The following DIP2A variants were observed in gnomAD, a reference collection of about 807,000 sequenced individuals.
DIP2A encodes disco-interacting protein 2 homolog A.
DIP2A carries 85 observed loss-of-function variants against 177.4 expected under a neutral mutation model. That is an observed-to-expected ratio of 0.48 (90% CI 0.40 to 0.57). The LOEUF (loss-of-function observed/expected upper bound fraction) is 0.57, where lower values mean the gene tolerates loss of function less well. Among genes scored for constraint, DIP2A ranks in the 20% least tolerant of loss-of-function variants. The pLI is 0.00. For synonymous variants in DIP2A, 886 were observed against 881.8 expected (o/e 1.00, Z -0.08); for missense variants, 1,791 against 2,100.2 (o/e 0.85, Z 2.88).
At position 46,557,567 on chromosome 21, in the gene DIP2A, G is replaced by A. The variant is rs1282620142; in HGVS notation, c.3630-18G>A. ...GCTGGGTGGGCGGGCGGAGCCTCAC[G>A]AGCCTTCCCTCTCGCAGTGTCTACT... On this transcript the variant is annotated intron_variant, in intron 30 of 37. Coordinates refer to ENST00000417564, the MANE Select transcript of DIP2A (RefSeq NM_015151.4). The surrounding 1 kb of genome is among the most constrained non-coding windows in gnomAD (Gnocchi z 6.0). 9 of 1,594,618 alleles carry A rather than the reference G, an allele frequency of 5.6e-6. No homozygotes were observed. The highest frequency in any genetic ancestry group is 2.3e-5 in the East Asian group (1 of 44,284).
At chr21:46,539,590 C>T (rs1252005146) in intron 16 of DIP2A, 6 of 434,686 alleles carry the variant, frequency 1.4e-5, no homozygotes, top group South Asian at 8.2e-5. Context: ...CTTGCAGTGC[C>T]GTGCAGCTTG....
In DIP2A at chr21:46,537,489, T is replaced by C; in HGVS notation, c.1751T>C (p.Leu584Pro). 1 of 1,614,236 alleles carries C rather than the reference T, an allele frequency of 6.2e-7. No individual in the cohort carries two copies. The highest frequency in any genetic ancestry group is 8.5e-7 in the Non-Finnish European group (1 of 1,180,046). ...RMHVVSVPYALMKANPLSWIQ... is the reference protein window; with the variant it reads ...RMHVVSVPYAPMKANPLSWIQ... The stretch of plus-strand genomic sequence containing the variant: ...CACGTGGTCAGCGTCCCCTACGCGC[T>C]GATGAAGGCGAACCCACTCTCCTGG... Residue 584 changes from leucine (L) to proline (P), a missense_variant, in exon 15 of 38, where the codon CTG (leucine) becomes CCG (proline). By Grantham distance (98) the Leu-to-Pro change is moderately conservative. Transcript: ENST00000417564. The surrounding 1 kb of genome is among the most constrained non-coding windows in gnomAD (Gnocchi z 4.1).
chr21:46,555,990 C>T lies in DIP2A; in HGVS notation c.3397C>T (p.Pro1133Ser), dbSNP rs1463754412. 1 of 1,613,196 alleles carries T rather than the reference C, an allele frequency of 6.2e-7. No individual in the cohort carries two copies. The highest frequency in any genetic ancestry group is 8.5e-7 in the Non-Finnish European group (1 of 1,179,322). Reference sequence around the variant, plus strand: ...TGTCTCCTGTTTAACAGATGACATCCCAAAAAAGAAGATAGCAAGCGTTTT... The same window carrying T: ...TGTCTCCTGTTTAACAGATGACATCTCAAAAAAGAAGATAGCAAGCGTTTT... ...WPTILDTDDIPKKKIASVFRP... is the reference protein window; with the variant it reads ...WPTILDTDDISKKKIASVFRP... Residue 1133 changes from proline (P) to serine (S), a missense_variant, in exon 29 of 38, where the codon CCA (proline) becomes TCA (serine). Transcript: ENST00000417564.
intron 2 of DIP2A, among the ~76,000 whole-genome samples, chr21:46,485,712 G>A (rs970364950): frequency 2.6e-5 from 4 of 151,366 alleles, no homozygotes; most frequent in Admixed American, 1.3e-4. Flanking sequence ...TTTTTCAAAC[G>A]TCATCATAAA....
Position 46,550,703 on chromosome 21 carries a change from C to G in DIP2A, c.2798C>G (p.Thr933Ser). 1 of 1,614,066 alleles carries G rather than the reference C, an allele frequency of 6.2e-7. No homozygotes were observed. The highest frequency in any genetic ancestry group is 1.1e-5 in the South Asian group (1 of 91,084). Residue 933 changes from threonine to serine, a missense_variant, in exon 23 of 38, where the codon ACC (threonine) becomes AGC (serine). Physicochemically the swap from Thr to Ser is moderately conservative, Grantham distance 58 (BLOSUM62 1). Coordinates refer to ENST00000417564, the MANE Select transcript of DIP2A (RefSeq NM_015151.4). Reference protein sequence around the residue: ...HPCNVLMCPHTCVTNLPKPRQ... With the variant: ...HPCNVLMCPHSCVTNLPKPRQ... ...TGTAATGTGCTGATGTGCCCTCACA[C>G]CTGTGTTACCAACCTCCCCAAACCT...
intron 1 of DIP2A, among the ~76,000 whole-genome samples, chr21:46,478,260 T>C (rs2056076273): frequency 6.6e-6 from 1 of 152,058 alleles, no homozygotes; most frequent in Non-Finnish European, 1.5e-5. Context: ...TTGCCCAGGC[T>C]GGAGTGCAAT....
At chr21:46,510,262 C>T (rs1349352909) in intron 7 of DIP2A, among the ~76,000 whole-genome samples, 3 of 152,164 alleles carry the variant, frequency 2.0e-5, no homozygotes, top group Non-Finnish European at 4.4e-5. Context: ...AGTCTTTCCA[C>T]GTTCTTCTGC....
rs777023870 is a variant in DIP2A at position 46,537,462 on chromosome 21, T to C, written c.1724T>C (p.Met575Thr). 13 of 1,614,228 alleles carry C rather than the reference T, an allele frequency of 8.1e-6. No individual in the cohort carries two copies. Among genetic ancestry groups the C allele is most frequent in the Non-Finnish European group, 1.1e-5 (13 of 1,180,036 alleles). The change falls in exon 15 of 38, where the codon ATG (methionine) becomes ACG (threonine). Residue 575 changes from methionine (M) to threonine (T), a missense_variant. Transcript: ENST00000417564. The surrounding 1 kb of genome is among the most constrained non-coding windows in gnomAD (Gnocchi z 4.1). Reference sequence around the variant, plus strand: ...CCCCCACAGAGCGTCATGAACAGGATGCACGTGGTCAGCGTCCCCTACGCG... The same window carrying C: ...CCCCCACAGAGCGTCATGAACAGGACGCACGTGGTCAGCGTCCCCTACGCG... ...HGVLTSVMNR[M>T]HVVSVPYALM...
intron 8 of DIP2A, among the ~76,000 whole-genome samples, chr21:46,519,153 A>G (rs540590380): frequency 3.6e-4 from 55 of 152,166 alleles, no homozygotes; most frequent in Non-Finnish European, 7.2e-4. Context: ...TAGCATGCCA[A>G]TCATTGTAAG....
Position 46,458,928 on chromosome 21 carries a change from A to AGCGGCGGCGCG in DIP2A, c.-199_-189dup, listed in dbSNP as rs1409648209. ...CCGGGCGCTCAGGAGCGCGCGGGGC[A>AGCGGCGGCGCG]GCGGCGGCGCGGCGGAGCCATCCGC... On this transcript the variant is annotated 5_prime_UTR_variant, in exon 1 of 38. Transcript: ENST00000417564. 3.4e-6 allele frequency: 1 copy of AGCGGCGGCGCG among 293,104 alleles called. No homozygotes were observed. The highest frequency in any genetic ancestry group is 2.2e-5 in the African/African-American group (1 of 44,942). 18.2% of individuals were successfully genotyped at this position (293,104 alleles called of 1,614,324 possible). A position where few individuals can be genotyped will look rare whatever the true frequency, so the allele number is the denominator to read the frequency against.
chr21:46,459,768 A>C, intron 1 of DIP2A, among the ~76,000 whole-genome samples: 3 of 147,022 alleles, frequency 2.0e-5, no homozygotes, highest in African/African-American at 5.1e-5. Flanking sequence ...CTTACTCCTC[A>C]CCCCGGGACG....
intron 1 of DIP2A, among the ~76,000 whole-genome samples, chr21:46,459,900 C>T (rs1569338086): frequency 6.6e-6 from 1 of 152,124 alleles, no homozygotes; most frequent in Non-Finnish European, 1.5e-5. Context: ...GGAATGACCA[C>T]TTTTGCCCCA....
intron 32 of DIP2A, 132 bp downstream of exon 32, chr21:46,558,525 T>G: frequency 1.1e-6 from 1 of 870,070 alleles, no homozygotes; most frequent in Non-Finnish European, 1.8e-6. Flanking sequence ...GATATCTCAT[T>G]TCCATGTAAC....
rs1555918901 is a variant in DIP2A at position 46,567,734 on chromosome 21, T to TA, written c.*113dup. On this transcript the variant is annotated 3_prime_UTR_variant, in exon 38 of 38. Transcript: ENST00000417564. ...CCGGGACTCGCCCTTCCTGTGCTCT[T>TA]ACAGATCCCTCTCAACAATCCCCGC... is the stretch of plus-strand genomic sequence containing the variant. 3 of 1,324,400 alleles carry TA rather than the reference T, an allele frequency of 2.3e-6. No homozygotes were observed. The highest frequency in any genetic ancestry group is 3.1e-6 in the Non-Finnish European group (3 of 982,658). 82.0% of individuals were successfully genotyped at this position (1,324,400 alleles called of 1,614,324 possible).
intron 1 of DIP2A, among the ~76,000 whole-genome samples, chr21:46,465,765 CT>C: frequency 6.6e-6 from 1 of 152,064 alleles, no homozygotes; most frequent in Non-Finnish European, 1.5e-5. Flanking sequence ...AAAAATTGGC[CT>C]TTTGTCTTTT....
chr21:46,547,540 A>G (rs2060101633), intron 21 of DIP2A, among the ~76,000 whole-genome samples: 1 of 152,082 alleles, frequency 6.6e-6, no homozygotes, highest in African/African-American at 2.4e-5. Context: ...CACAGGGGCC[A>G]GGAAGAGAAT....
intron 8 of DIP2A, among the ~76,000 whole-genome samples, chr21:46,522,772 C>A (rs2058879257): frequency 6.6e-6 from 1 of 152,156 alleles, no homozygotes; most frequent in Non-Finnish European, 1.5e-5. Flanking sequence ...TTTTAAATTC[C>A]TGGGGTTTCA....
chr21:46,571,149 A>G (rs2060959511), downstream of DIP2A, among the ~76,000 whole-genome samples: 2 of 152,192 alleles, frequency 1.3e-5, no homozygotes, highest in African/African-American at 4.8e-5. Context: ...TAGGCATGCA[A>G]GCCTTCTTAT....
At chr21:46,544,244 G>T (rs1169519040) in intron 18 of DIP2A, among the ~76,000 whole-genome samples, 1 of 152,072 alleles carries the variant, frequency 6.6e-6, no homozygotes, top group African/African-American at 2.4e-5. Context: ...GGGTGATGGG[G>T]CTGTGGGAGG....
Sources: allele counts gnomAD v4.1 joint callset (sites outside exome capture counted in the v4.1 genomes callset), GRCh38; gene constraint gnomAD v4.1.1; non-coding constraint Gnocchi (gnomAD v3.1); transcripts MANE v1.5; gene names NCBI Gene and HGNC (gene_info 2026-07-23, HGNC 2026-07-21).